The following PABPC4L variants were observed in gnomAD, a reference collection of about 807,000 sequenced individuals.
PABPC4L encodes the protein polyadenylate-binding protein 4-like.
For synonymous variants in PABPC4L, 169 were observed against 164.1 expected (o/e 1.03, Z -0.23); for missense variants, 452 against 451.4 (o/e 1.00, Z -0.01).
At chr4:133,952,017 AT>A in the PABPC4L span, among the ~76,000 whole-genome samples, 1 of 152,030 alleles carries the variant, frequency 6.6e-6, no homozygotes, top group Non-Finnish European at 1.5e-5. Context: ...TTTTCTACAA[AT>A]TGCAATTTGT....
At chr4:133,994,359 A>C in the PABPC4L span, among the ~76,000 whole-genome samples, 40 of 152,142 alleles carry the variant, frequency 2.6e-4, 1 homozygote, top group African/African-American at 4.8e-5. Flanking sequence ...AACAGTGGCC[A>C]TTATTAGAAA....
At chr4:134,040,724 AT>A in the PABPC4L span, among the ~76,000 whole-genome samples, 1 of 152,184 alleles carries the variant, frequency 6.6e-6, no homozygotes, top group East Asian at 1.9e-4. Flanking sequence ...AAATTGACAA[AT>A]GGGATCTCAT....
At chr4:134,037,904 T>C in the PABPC4L span, among the ~76,000 whole-genome samples, 2 of 152,164 alleles carry the variant, frequency 1.3e-5, no homozygotes, top group Admixed American at 6.6e-5. Flanking sequence ...TTATGCCGGT[T>C]GTCAAAGGGA....
the PABPC4L span, among the ~76,000 whole-genome samples, chr4:134,164,675 G>A: frequency 3.3e-5 from 5 of 151,972 alleles, no homozygotes; most frequent in Non-Finnish European, 4.4e-5. Context: ...GCAAGGATAA[G>A]TATTCTAAAA....
chr4:134,090,645 C>A, the PABPC4L span, among the ~76,000 whole-genome samples: 1 of 151,820 alleles, frequency 6.6e-6, no homozygotes, highest in Non-Finnish European at 1.5e-5. Context: ...TACCTGTAGT[C>A]CTAGCTACTT....
the PABPC4L span, among the ~76,000 whole-genome samples, chr4:134,015,516 G>T: frequency 6.6e-6 from 1 of 152,096 alleles, no homozygotes; most frequent in Admixed American, 6.6e-5. Flanking sequence ...CAAATTACCT[G>T]GGCTGTACTG....
chr4:134,082,282 A>C, the PABPC4L span, among the ~76,000 whole-genome samples: 1 of 152,012 alleles, frequency 6.6e-6, no homozygotes, highest in Non-Finnish European at 1.5e-5. Flanking sequence ...ATCTGTGTGT[A>C]CATATCTGTG....
At chr4:134,174,567 C>T in the PABPC4L span, among the ~76,000 whole-genome samples, 1,405 of 152,168 alleles carry the variant, frequency 9.2e-3, 24 homozygotes, top group African/African-American at 0.032. Flanking sequence ...TCTTATGGGA[C>T]CACCATTGTA....
chr4:134,058,497 C>T, the PABPC4L span, among the ~76,000 whole-genome samples: 3 of 151,306 alleles, frequency 2.0e-5, no homozygotes, highest in African/African-American at 7.3e-5. Context: ...GACACACATG[C>T]ACACACACAC....
chr4:134,033,639 A>G, the PABPC4L span, among the ~76,000 whole-genome samples: 2 of 151,950 alleles, frequency 1.3e-5, no homozygotes, highest in Non-Finnish European at 2.9e-5. Flanking sequence ...AGAAACTTTT[A>G]ATGGTCTGAA....
the PABPC4L span, among the ~76,000 whole-genome samples, chr4:134,145,649 T>C: frequency 1.3e-5 from 2 of 151,800 alleles, no homozygotes; most frequent in East Asian, 3.9e-4. Flanking sequence ...GGGAGAAAAG[T>C]ACATAAGGGC....
At chr4:134,095,841 G>A in the PABPC4L span, among the ~76,000 whole-genome samples, 1 of 151,892 alleles carries the variant, frequency 6.6e-6, no homozygotes, top group African/African-American at 2.4e-5. Context: ...TCCTTGGCCA[G>A]CTCTCAAACT....
At chr4:133,983,421 A>G in the PABPC4L span, among the ~76,000 whole-genome samples, 1 of 151,908 alleles carries the variant, frequency 6.6e-6, no homozygotes, top group African/African-American at 2.4e-5. Flanking sequence ...AGCTCTCAGA[A>G]AGGTAAAAAA....
At chr4:134,006,516 G>T in the PABPC4L span, among the ~76,000 whole-genome samples, 5 of 151,888 alleles carry the variant, frequency 3.3e-5, no homozygotes, top group Non-Finnish European at 5.9e-5. Flanking sequence ...GGGCAGCCCA[G>T]CTACTTTTGT....
the PABPC4L span, among the ~76,000 whole-genome samples, chr4:134,039,602 T>C: frequency 3.0e-4 from 45 of 152,216 alleles, 1 homozygote; most frequent in East Asian, 8.5e-3. Flanking sequence ...TTTTGATCTT[T>C]GTTGGTTTAA....
the PABPC4L span, among the ~76,000 whole-genome samples, chr4:134,026,296 C>G: frequency 6.6e-6 from 1 of 151,390 alleles, no homozygotes; most frequent in Non-Finnish European, 1.5e-5. Context: ...AGTGCAGTGG[C>G]ACAATCTCGG....
At chr4:134,021,145 C>T in the PABPC4L span, among the ~76,000 whole-genome samples, 54,649 of 151,958 alleles carry the variant, frequency 0.36, 12,129 homozygotes, top group East Asian at 0.92. Flanking sequence ...CAAAATAAAA[C>T]AGTTTGACAC....
At chr4:134,079,478 C>G in the PABPC4L span, among the ~76,000 whole-genome samples, 1 of 148,348 alleles carries the variant, frequency 6.7e-6, no homozygotes, top group East Asian at 2.0e-4. Flanking sequence ...ACTCCAGAGG[C>G]TGAGGCAGGA....
chr4:134,115,374 T>C, the PABPC4L span, among the ~76,000 whole-genome samples: 2 of 151,356 alleles, frequency 1.3e-5, no homozygotes, highest in Non-Finnish European at 3.0e-5. Context: ...TGTGTACAAG[T>C]AGAGAGAGGG....
Sources: allele counts gnomAD v4.1 joint callset (sites outside exome capture counted in the v4.1 genomes callset), GRCh38; gene constraint gnomAD v4.1.1; transcripts MANE v1.5; gene names NCBI Gene and HGNC (gene_info 2026-07-23, HGNC 2026-07-21).